SORCS3: variants seen among roughly 807,000 people sequenced by gnomAD.
SORCS3 encodes VPS10 domain-containing receptor SorCS3.
In SORCS3, 57 loss-of-function variants were observed where a neutral mutation model predicts 146.3. The observed-to-expected ratio is 0.39, with a 90% confidence interval of 0.31 to 0.49. SORCS3 has a LOEUF of 0.49. Among genes scored for constraint, SORCS3 ranks in the 20% least tolerant of loss-of-function variants. The pLI, the probability that SORCS3 is intolerant of heterozygous loss-of-function variation, is 0.92. For synonymous variants in SORCS3, 653 were observed against 618.5 expected, an observed-to-expected ratio of 1.06 and a Z score of -0.83; for missense variants, 1,341 against 1,575.5, an observed-to-expected ratio of 0.85 and a Z score of 2.52.
At chr10:104,718,060 C>T (rs746471948) in intron 1 of SORCS3, among the ~76,000 whole-genome samples, 51 of 152,184 alleles carry the variant, frequency 3.4e-4, no homozygotes, top group Non-Finnish European at 6.0e-4. Flanking sequence ...GCAGGAGAAT[C>T]GCTTGAACCT....
intron 9 of SORCS3, among the ~76,000 whole-genome samples, chr10:105,154,908 A>G (rs1288646612): frequency 6.6e-6 from 1 of 152,220 alleles, no homozygotes; most frequent in Non-Finnish European, 1.5e-5. Flanking sequence ...GTCCATTTAT[A>G]CAAGACATGA....
intron 4 of SORCS3, among the ~76,000 whole-genome samples, chr10:105,036,743 C>T (rs2055308837): frequency 6.6e-6 from 1 of 152,202 alleles, no homozygotes. Flanking sequence ...GGGATTCTCC[C>T]TGCAGCTCCG....
At chr10:105,261,327 G>A (rs1009170144) in intron 25 of SORCS3, among the ~76,000 whole-genome samples, 1 of 152,190 alleles carries the variant, frequency 6.6e-6, no homozygotes, top group African/African-American at 2.4e-5. Context: ...TACAGGCAGA[G>A]GGAACAGTTG....
chr10:105,118,969 G>C, intron 7 of SORCS3, among the ~76,000 whole-genome samples: 1 of 152,222 alleles, frequency 6.6e-6, no homozygotes. Context: ...TAAGTAATGA[G>C]CCAAATGTTA....
chr10:104,762,051 G>C (rs111294388), intron 1 of SORCS3, among the ~76,000 whole-genome samples: 22 of 152,144 alleles, frequency 1.4e-4, no homozygotes, highest in Admixed American at 1.4e-3. Flanking sequence ...TCTTAAGCAC[G>C]TGCAGTCCCC....
intron 4 of SORCS3, among the ~76,000 whole-genome samples, chr10:105,040,418 A>G (rs2055331533): frequency 6.6e-6 from 1 of 152,178 alleles, no homozygotes; most frequent in Admixed American, 6.5e-5. Context: ...TCGTAGAGCT[A>G]ACCTCGAACA....
At chr10:104,753,490 G>A (rs904181823) in intron 1 of SORCS3, among the ~76,000 whole-genome samples, 66 of 152,274 alleles carry the variant, frequency 4.3e-4, no homozygotes, top group African/African-American at 1.2e-3. Context: ...AATATAAAAT[G>A]TTTGAATAAA....
At chr10:105,088,950 G>C (rs2055682480) in intron 5 of SORCS3, among the ~76,000 whole-genome samples, 1 of 152,222 alleles carries the variant, frequency 6.6e-6, no homozygotes, top group East Asian at 1.9e-4. Context: ...GCTTGCCAGA[G>C]AGAGTGGATT....
chr10:104,667,858 TG>T (rs1287650304), intron 1 of SORCS3, among the ~76,000 whole-genome samples: 1 of 152,178 alleles, frequency 6.6e-6, no homozygotes, highest in African/African-American at 2.4e-5. Context: ...TTCTAAGAGC[TG>T]GGGGTGCTTT....
chr10:105,068,124 C>T (rs2055533764), intron 5 of SORCS3, among the ~76,000 whole-genome samples: 1 of 152,246 alleles, frequency 6.6e-6, no homozygotes, highest in Non-Finnish European at 1.5e-5. Flanking sequence ...CTACTATATA[C>T]CTCAAAACCC....
intron 14 of SORCS3, among the ~76,000 whole-genome samples, chr10:105,185,037 C>T (rs1345094235): frequency 2.0e-5 from 3 of 152,112 alleles, no homozygotes; most frequent in African/African-American, 4.8e-5. Context: ...ATTTTAGATA[C>T]CTTATGTAAG....
At chr10:104,661,653 A>T (rs935891504) in intron 1 of SORCS3, among the ~76,000 whole-genome samples, 5 of 152,006 alleles carry the variant, frequency 3.3e-5, no homozygotes, top group African/African-American at 1.2e-4. Flanking sequence ...TTGTTATTTA[A>T]GGTAGTATGA....
chr10:105,142,290 G>A (rs2056100528), intron 8 of SORCS3, among the ~76,000 whole-genome samples: 1 of 152,144 alleles, frequency 6.6e-6, no homozygotes, highest in Admixed American at 6.6e-5. Context: ...AAAGAGCCAA[G>A]GTTAAGAAAT....
chr10:105,058,097 G>A (rs1227511954), intron 5 of SORCS3, among the ~76,000 whole-genome samples: 1 of 152,150 alleles, frequency 6.6e-6, no homozygotes, highest in East Asian at 1.9e-4. Flanking sequence ...CAAGTAATTT[G>A]GGCAGAACTG....
At chr10:105,081,102 T>C (rs567668370) in intron 5 of SORCS3, among the ~76,000 whole-genome samples, 1 of 152,324 alleles carries the variant, frequency 6.6e-6, no homozygotes, top group Non-Finnish European at 1.5e-5. Flanking sequence ...TATACAACTA[T>C]GATTTGTCGG....
chr10:105,214,958 T>C (rs2056656555), intron 18 of SORCS3, among the ~76,000 whole-genome samples: 3 of 152,194 alleles, frequency 2.0e-5, no homozygotes, highest in Admixed American at 2.0e-4. Context: ...GAAGGAAATG[T>C]GAATTTTATC....
chr10:105,210,876 T>A (rs1245963233), intron 16 of SORCS3, among the ~76,000 whole-genome samples: 2 of 152,244 alleles, frequency 1.3e-5, no homozygotes, highest in Non-Finnish European at 2.9e-5. Context: ...ATTATTTATA[T>A]CAATACCTTT....
chr10:104,879,732 A>G lies in SORCS3; in HGVS notation c.696-36101A>G, dbSNP rs146875807. On this transcript the variant is annotated intron_variant, in intron 2 of 26. Transcript: ENST00000369701. Reference sequence around the variant, plus strand: ...AAGGGGTTTCCGCTGAATTTAGAAAAGGCATCCTTTCTTCTAGACAGGTGC... The same window carrying G: ...AAGGGGTTTCCGCTGAATTTAGAAAGGGCATCCTTTCTTCTAGACAGGTGC... Among the ~76,000 whole-genome samples, 785 of 152,284 alleles carry G rather than the reference A, an allele frequency of 5.2e-3. 3 individuals are homozygous for G. The highest frequency in any genetic ancestry group is 8.6e-3 in the Non-Finnish European group (582 of 68,026).
intron 11 of SORCS3, among the ~76,000 whole-genome samples, chr10:105,163,441 A>G (rs2056283798): frequency 6.6e-6 from 1 of 152,228 alleles, no homozygotes; most frequent in South Asian, 2.1e-4. Context: ...ACATTGGAAC[A>G]TGATCCAATC....
Sources: allele counts gnomAD v4.1 joint callset (sites outside exome capture counted in the v4.1 genomes callset), GRCh38; gene constraint gnomAD v4.1.1; transcripts MANE v1.5; gene names NCBI Gene and HGNC (gene_info 2026-07-23, HGNC 2026-07-21).